Variants in KDM4B observed in about 807,000 individuals in gnomAD.
The protein encoded by KDM4B is lysine demethylase 4B, also known as lysine-specific demethylase 4B.
In KDM4B, 32 loss-of-function variants were observed where a neutral mutation model predicts 125.2. The observed-to-expected ratio is 0.26, with a 90% CI of 0.19 to 0.34. The LOEUF is 0.34. KDM4B is among the 10% of genes least tolerant of loss of function. The probability of loss-of-function intolerance (pLI) is 1.00; values close to 1 mark genes in which losing one functional copy is unlikely to be tolerated. For synonymous variants in KDM4B, 721 were observed against 677.9 expected (o/e 1.06, Z -0.99); for missense variants, 1,190 against 1,577.7 (o/e 0.75, Z 4.16).
chr19:5,049,911 G>T (rs2037165107), intron 6 of KDM4B, among the ~76,000 whole-genome samples: 1 of 152,130 alleles, frequency 6.6e-6, no homozygotes. Context: ...CTTGCAGGGG[G>T]GTGGGGACAA....
In KDM4B at chr19:5,035,905, A is replaced by C. The variant is rs540252040; in HGVS notation, c.141+2874A>C. Among the ~76,000 whole-genome samples, 21 of 135,960 alleles carry C rather than the reference A, an allele frequency of 1.5e-4. No individual in the cohort carries two copies. Among genetic ancestry groups the C allele is most frequent in the African/African-American group, 5.9e-4 (21 of 35,548 alleles). 89.2% of individuals were successfully genotyped at this position (135,960 alleles called of 152,430 possible). ...TGCGCGCGCGCGCGCGCCTGCGCGC[A>C]CAGGAGACTGAGGTGGGGAGGCAGC... On this transcript the variant is annotated intron_variant, in intron 3 of 22. Coordinates refer to ENST00000159111, the MANE Select transcript of KDM4B (RefSeq NM_015015.3). The surrounding 1 kb of genome is among the most constrained non-coding windows in gnomAD (Gnocchi z 5.3).
chr19:4,994,915 G>A (rs1009070860), intron 1 of KDM4B, among the ~76,000 whole-genome samples: 1 of 152,038 alleles, frequency 6.6e-6, no homozygotes, highest in African/African-American at 2.4e-5. Flanking sequence ...TCTCAGAATC[G>A]ACTTCAGATC....
At chr19:5,145,051 C>A in intron 21 of KDM4B, 149 bp downstream of exon 21, 1 of 1,012,018 alleles carries the variant, frequency 9.9e-7, no homozygotes, top group Non-Finnish European at 1.4e-6. Flanking sequence ...CAGGACCCAG[C>A]TGAGCCTTGG....
chr19:5,149,335 A>G (rs1425733781), intron 21 of KDM4B, among the ~76,000 whole-genome samples: 1 of 152,160 alleles, frequency 6.6e-6, no homozygotes, highest in Non-Finnish European at 1.5e-5. Context: ...TTATGTGTGC[A>G]TTTTGTTCAT....
chr19:5,051,202 G>T (rs970469022), intron 6 of KDM4B, among the ~76,000 whole-genome samples: 1 of 152,256 alleles, frequency 6.6e-6, no homozygotes, highest in Non-Finnish European at 1.5e-5. Flanking sequence ...AGCCCTGAGA[G>T]AGTTGCTGGT....
At chr19:5,017,077 C>T (rs573802338) in intron 2 of KDM4B, among the ~76,000 whole-genome samples, 70 of 152,324 alleles carry the variant, frequency 4.6e-4, no homozygotes, top group Non-Finnish European at 8.2e-4. Context: ...GCGGCGTCGC[C>T]CTTGGATTGT....
intron 9 of KDM4B, among the ~76,000 whole-genome samples, chr19:5,084,392 TA>T (rs1177297287): frequency 7.0e-6 from 1 of 143,366 alleles, no homozygotes; most frequent in Non-Finnish European, 1.5e-5. Context: ...TATATTTATA[TA>T]AAATAAATTA....
At chr19:5,042,605 G>A (rs372366778) in intron 5 of KDM4B, among the ~76,000 whole-genome samples, 41 of 152,122 alleles carry the variant, frequency 2.7e-4, no homozygotes, top group African/African-American at 9.9e-4. Context: ...AACATGGCTT[G>A]GGAGGCCTCA....
intron 6 of KDM4B, among the ~76,000 whole-genome samples, chr19:5,050,984 G>A (rs967584889): frequency 5.9e-5 from 9 of 152,300 alleles, no homozygotes; most frequent in African/African-American, 2.2e-4. Context: ...CTCCAAGGCC[G>A]GTCCTGCGGC....
intron 11 of KDM4B, among the ~76,000 whole-genome samples, chr19:5,125,993 C>T (rs1019499498): frequency 4.6e-5 from 7 of 152,202 alleles, no homozygotes; most frequent in African/African-American, 1.4e-4. Context: ...CACAGTGCTG[C>T]GGGAAAGATT....
intron 1 of KDM4B, among the ~76,000 whole-genome samples, chr19:4,978,069 GGAGA>G (rs1356043158): frequency 6.6e-6 from 1 of 152,320 alleles, no homozygotes; most frequent in South Asian, 2.1e-4. Flanking sequence ...GTCTTGCTCA[GGAGA>G]GAGAGAAGAT....
Position 5,114,425 on chromosome 19 carries a change from C to A in KDM4B, c.1115+3607C>A. ...CCACGCCTCTGGCCCCGACTCCTGC[C>A]AGGGCTGCCACGGCTGCCACACCCC... On this transcript the variant is annotated intron_variant, in intron 10 of 22. Transcript: ENST00000159111. The surrounding 1 kb of genome is among the most constrained non-coding windows in gnomAD (Gnocchi z 5.8). 1 of 421,706 alleles carries A rather than the reference C, an allele frequency of 2.4e-6. No individual in the cohort carries two copies. The allele number at this position is 421,706 out of a possible 1,614,324, so 26.1% of individuals were successfully genotyped here.
At chr19:5,021,190 C>T (rs957816556) in intron 2 of KDM4B, among the ~76,000 whole-genome samples, 8 of 151,208 alleles carry the variant, frequency 5.3e-5, no homozygotes, top group Non-Finnish European at 8.8e-5. Flanking sequence ...AGGCTTCGGG[C>T]GGCCCTGTGT....
At chr19:5,090,462 G>A (rs1426199385) in intron 9 of KDM4B, among the ~76,000 whole-genome samples, 3 of 31,828 alleles carry the variant, frequency 9.4e-5, no homozygotes, top group African/African-American at 1.4e-4. Context: ...CTCTCTCTCC[G>A]CCTCTTTCTC....
chr19:5,144,848 C>T lies in KDM4B; in HGVS notation c.2967C>T (p.Asp989=), dbSNP rs749397162. ...EGELVELRWT[D]GNLYKAKFIS... ...AGCTGGTGGAGCTCCGGTGGACTGA[C>T]GGCAACCTCTACAAGGCCAAGTTCA... is the stretch of plus-strand genomic sequence containing the variant. The change falls in exon 21 of 23, where the codon GAC becomes GAT. Residue 989 remains aspartate (D), a synonymous_variant. Transcript: ENST00000159111. 46 of 1,613,056 alleles carry T rather than the reference C, an allele frequency of 2.9e-5. No homozygotes were observed. The highest frequency in any genetic ancestry group is 3.3e-4 in the Middle Eastern group (2 of 6,078).
At chr19:5,060,433 C>CAAAAAAAA (rs901472663) in intron 6 of KDM4B, among the ~76,000 whole-genome samples, 1,528 of 32,962 alleles carry the variant, frequency 0.046, 249 homozygotes, top group East Asian at 0.17. Flanking sequence ...ACTCTGTCTC[C>CAAAAAAAA]AAAAAAAAAA....
intron 6 of KDM4B, among the ~76,000 whole-genome samples, chr19:5,048,667 G>A (rs557151886): frequency 6.6e-6 from 1 of 152,216 alleles, no homozygotes; most frequent in Non-Finnish European, 1.5e-5. Context: ...AGGAAGGGGC[G>A]AGCTGTGCGC....
chr19:5,149,770 A>C (rs1222128366), intron 21 of KDM4B, among the ~76,000 whole-genome samples: 2 of 152,220 alleles, frequency 1.3e-5, no homozygotes, highest in African/African-American at 4.8e-5. Context: ...GGCATCTGCC[A>C]CCTGGAACAA....
chr19:4,975,648 A>G (rs2034419286), intron 1 of KDM4B, among the ~76,000 whole-genome samples: 1 of 148,318 alleles, frequency 6.7e-6, no homozygotes, highest in Non-Finnish European at 1.5e-5. Flanking sequence ...GCTGGGGCGC[A>G]GTGGGCTGAT....
Sources: allele counts gnomAD v4.1 joint callset (sites outside exome capture counted in the v4.1 genomes callset), GRCh38; gene constraint gnomAD v4.1.1; non-coding constraint Gnocchi (gnomAD v3.1); transcripts MANE v1.5; gene names NCBI Gene and HGNC (gene_info 2026-07-23, HGNC 2026-07-21).